GALNT13: variants seen among roughly 807,000 people sequenced by gnomAD.
GALNT13 encodes the protein polypeptide N-acetylgalactosaminyltransferase 13.
A neutral mutation model predicts 64.2 loss-of-function variants in GALNT13; 28 were observed. That is an observed-to-expected ratio of 0.44 (90% CI 0.32 to 0.60). The LOEUF is 0.60. GALNT13 is among the 20% of genes least tolerant of loss of function. The pLI, the probability that GALNT13 is intolerant of heterozygous loss-of-function variation, is 0.05. For missense variants in GALNT13, 577 were observed against 669.8 expected, an observed-to-expected ratio of 0.86 and a Z score of 1.53; for synonymous variants, 214 against 224.6, an observed-to-expected ratio of 0.95 and a Z score of 0.42.
intron 3 of GALNT13, among the ~76,000 whole-genome samples, chr2:154,006,918 C>T (rs80293653): frequency 1.3e-5 from 2 of 152,254 alleles, no homozygotes; most frequent in East Asian, 3.9e-4. Flanking sequence ...GTCATTCCCT[C>T]CCTTTGAGTA....
the GALNT13 span, among the ~76,000 whole-genome samples, chr2:153,595,612 G>GTT: frequency 1.3e-5 from 2 of 151,730 alleles, no homozygotes; most frequent in Non-Finnish European, 2.9e-5. Context: ...CCAACTATAC[G>GTT]ATATAAAAAG....
chr2:153,516,837 CT>C, the GALNT13 span, among the ~76,000 whole-genome samples: 1 of 152,076 alleles, frequency 6.6e-6, no homozygotes, highest in African/African-American at 2.4e-5. Flanking sequence ...AAAAGATATG[CT>C]TTTATACTTC....
At chr2:153,453,388 T>C in the GALNT13 span, among the ~76,000 whole-genome samples, 1 of 152,122 alleles carries the variant, frequency 6.6e-6, no homozygotes, top group Non-Finnish European at 1.5e-5. Context: ...AGGCCAAATA[T>C]CTGGAATCCA....
chr2:154,358,348 A>C (rs920542489), intron 9 of GALNT13, among the ~76,000 whole-genome samples: 3 of 152,092 alleles, frequency 2.0e-5, no homozygotes, highest in African/African-American at 7.2e-5. Context: ...TCCACTCTTC[A>C]CTAAATGAAC....
At chr2:153,378,848 G>T in the GALNT13 span, among the ~76,000 whole-genome samples, 12 of 152,118 alleles carry the variant, frequency 7.9e-5, no homozygotes. Flanking sequence ...ATAATAAAAA[G>T]AATTTGCTAG....
chr2:153,922,172 A>G (rs1689805292), intron 2 of GALNT13, among the ~76,000 whole-genome samples: 1 of 152,126 alleles, frequency 6.6e-6, no homozygotes, highest in Non-Finnish European at 1.5e-5. Context: ...GAAATCAGAG[A>G]ATTTTTGTAC....
chr2:154,158,007 C>A (rs947272875), intron 4 of GALNT13, among the ~76,000 whole-genome samples: 1 of 152,124 alleles, frequency 6.6e-6, no homozygotes, highest in Non-Finnish European at 1.5e-5. Context: ...AAGGGTAAGG[C>A]CTAAGGGTAA....
intron 8 of GALNT13, among the ~76,000 whole-genome samples, chr2:154,260,577 G>T (rs1264865436): frequency 6.6e-6 from 1 of 152,014 alleles, no homozygotes; most frequent in African/African-American, 2.4e-5. Context: ...CATGAAACTT[G>T]CCAAACCAAA....
chr2:153,356,938 C>T, the GALNT13 span, among the ~76,000 whole-genome samples: 1 of 151,830 alleles, frequency 6.6e-6, no homozygotes, highest in Admixed American at 6.6e-5. Context: ...GCTGGGACTA[C>T]AGGCACCTGC....
At chr2:154,154,990 A>C (rs1160587741) in intron 4 of GALNT13, among the ~76,000 whole-genome samples, 3 of 151,796 alleles carry the variant, frequency 2.0e-5, no homozygotes, top group Non-Finnish European at 4.4e-5. Context: ...ATACAAAGAG[A>C]AACACATAAA....
At chr2:153,206,125 C>T in the GALNT13 span, among the ~76,000 whole-genome samples, 46 of 151,848 alleles carry the variant, frequency 3.0e-4, no homozygotes, top group African/African-American at 1.0e-3. Context: ...GTCAATAGAG[C>T]CAAAAGTACA....
intron 3 of GALNT13, among the ~76,000 whole-genome samples, chr2:154,067,539 A>G (rs1700532248): frequency 6.6e-6 from 1 of 152,086 alleles, no homozygotes; most frequent in Non-Finnish European, 1.5e-5. Flanking sequence ...GAAGAGACAA[A>G]GAAGTTTATT....
the GALNT13 span, among the ~76,000 whole-genome samples, chr2:153,280,161 G>A: frequency 1.3e-5 from 2 of 152,084 alleles, no homozygotes; most frequent in African/African-American, 2.4e-5. Flanking sequence ...GCATAGGTAT[G>A]TACATAATAG....
the GALNT13 span, among the ~76,000 whole-genome samples, chr2:153,453,914 C>T: frequency 6.6e-6 from 1 of 152,190 alleles, no homozygotes; most frequent in Admixed American, 6.5e-5. Flanking sequence ...AGTACATATA[C>T]ACCATAGAAT....
At chr2:153,151,408 G>A in the GALNT13 span, among the ~76,000 whole-genome samples, 1 of 152,106 alleles carries the variant, frequency 6.6e-6, no homozygotes, top group Non-Finnish European at 1.5e-5. Context: ...CAGCCATTGT[G>A]GAAGTCAGTG....
intron 3 of GALNT13, among the ~76,000 whole-genome samples, chr2:153,986,619 G>T (rs2348541): frequency 6.6e-6 from 1 of 151,642 alleles, no homozygotes; most frequent in Non-Finnish European, 1.5e-5. Flanking sequence ...AGTTTATCCC[G>T]ATCACCGTGA....
chr2:153,570,645 G>A, the GALNT13 span, among the ~76,000 whole-genome samples: 1 of 152,088 alleles, frequency 6.6e-6, no homozygotes, highest in Admixed American at 6.6e-5. Flanking sequence ...TTTGGTGAGA[G>A]ATGGGGTCCT....
intron 3 of GALNT13, among the ~76,000 whole-genome samples, chr2:154,121,446 T>A (rs190223582): frequency 2.0e-5 from 3 of 152,284 alleles, no homozygotes; most frequent in Admixed American, 6.5e-5. Flanking sequence ...TGTCTTCTAA[T>A]CCATGAAAAC....
chr2:153,540,152 C>T, the GALNT13 span, among the ~76,000 whole-genome samples: 1 of 152,196 alleles, frequency 6.6e-6, no homozygotes, highest in African/African-American at 2.4e-5. Flanking sequence ...TCCAGGGCCC[C>T]CCTGCTGTGT....
Sources: gnomAD v4.1 joint callset for allele counts (sites outside exome capture counted in the v4.1 genomes callset) on GRCh38, gnomAD v4.1.1 for gene constraint, MANE v1.5 for transcripts, NCBI Gene and HGNC (gene_info 2026-07-23, HGNC 2026-07-21) for gene names.